The following ELMO1 variants were observed in gnomAD, a reference collection of about 807,000 sequenced individuals.
ELMO1 encodes engulfment and cell motility protein 1.
A neutral mutation model predicts 98.9 loss-of-function variants in ELMO1; 26 were observed. That is an observed-to-expected ratio of 0.26 (90% CI 0.19 to 0.36). The LOEUF is 0.36. ELMO1 is among the 10% of genes least tolerant of loss of function. ELMO1 has a pLI of 1.00. For missense variants in ELMO1, 627 were observed against 935.2 expected (o/e 0.67, Z 4.30); for synonymous variants, 346 against 346.0 (o/e 1.00, Z 0.00).
chr7:37,201,532 A>C (rs763202130), intron 13 of ELMO1, among the ~76,000 whole-genome samples: 2 of 152,240 alleles, frequency 1.3e-5, no homozygotes, highest in Non-Finnish European at 2.9e-5. Context: ...AATCCCATTT[A>C]ATAGGGGGGC....
At chr7:37,447,751 C>CACACACACACA (rs1554316247) in intron 1 of ELMO1, among the ~76,000 whole-genome samples, 10 of 150,820 alleles carry the variant, frequency 6.6e-5, no homozygotes, top group East Asian at 2.0e-4. Context: ...CACACACACG[C>CACACACACACA]CGCCTCGCGC....
chr7:37,055,504 C>G (rs1796345716), intron 15 of ELMO1, among the ~76,000 whole-genome samples: 1 of 152,204 alleles, frequency 6.6e-6, no homozygotes, highest in Non-Finnish European at 1.5e-5. Context: ...ACCCCTTCCA[C>G]ATTCACCTGC....
chr7:37,291,197 AC>A (rs1380807875), intron 4 of ELMO1, among the ~76,000 whole-genome samples: 3 of 152,158 alleles, frequency 2.0e-5, no homozygotes, highest in Non-Finnish European at 4.4e-5. Flanking sequence ...GCCATATAAT[AC>A]CCCCTACACA....
intron 6 of ELMO1, 89 bp from the exon 7 acceptor site, chr7:37,244,480 T>G (rs765853819): frequency 7.2e-7 from 1 of 1,390,738 alleles, no homozygotes; most frequent in Non-Finnish European, 1.0e-6. Context: ...AACTCAGGAT[T>G]AGATTTAGGA....
chr7:37,384,743 AGTTT>A lies in ELMO1; in HGVS notation c.-73-41984_-73-41981del, dbSNP rs1030957400. Among the ~76,000 whole-genome samples the A allele has an allele frequency of 3.0e-4, 46 of 151,964 alleles. 2 individuals carry two copies. Among genetic ancestry groups the A allele is most frequent in the African/African-American group, 1.0e-3 (42 of 41,450 alleles). ...TCAAAAAAAAAAAAAAGAACTTTCC[AGTTT>A]GTTTATTTGTCAAGAAAACAGTAAG... is the stretch of plus-strand genomic sequence containing the variant. On this transcript the variant is annotated intron_variant, in intron 1 of 21. Transcript: ENST00000310758.
Position 37,155,498 on chromosome 7 carries a change from A to AT in ELMO1, c.1087-22265_1087-22264insA, listed in dbSNP as rs1554427504. Among the ~76,000 whole-genome samples the AT allele has an allele frequency of 7.3e-4, 105 of 143,602 alleles. 1 individual carries two copies. Among genetic ancestry groups the AT allele is most frequent in the Non-Finnish European group, 1.1e-3 (67 of 62,596 alleles). The allele number at this position is 143,602 out of a possible 152,430, so 94.2% of individuals were successfully genotyped here. On this transcript the variant is annotated intron_variant, in intron 13 of 21. Coordinates refer to ENST00000310758, the MANE Select transcript of ELMO1 (RefSeq NM_014800.11). ...AAGCAAACGGAAAGCAAAAAAAAAA[A>AT]AAAAAAAAAAGCAGGTGTTGCAATC...
intron 14 of ELMO1, among the ~76,000 whole-genome samples, chr7:37,105,790 C>A (rs1256171176): frequency 6.6e-6 from 1 of 152,128 alleles, no homozygotes; most frequent in Non-Finnish European, 1.5e-5. Context: ...TTTTGTTTTT[C>A]CTGTGACTAA....
Position 37,165,396 on chromosome 7 carries a change from G to A in ELMO1, c.1087-32162C>T, listed in dbSNP as rs927403085. On this transcript the variant is annotated intron_variant, in intron 13 of 21. Transcript: ENST00000310758. The stretch of plus-strand genomic sequence containing the variant: ...ATGTTGAATAGCAGTGGTGAGAGAG[G>A]GCATCCCTGTCTTGTGCCAGTTTTC... Among the ~76,000 whole-genome samples, 205 of 151,916 alleles carry A rather than the reference G, an allele frequency of 1.3e-3. 1 individual carries two copies. The highest frequency in any genetic ancestry group is 2.3e-3 in the Non-Finnish European group (153 of 67,904).
Position 37,121,990 on chromosome 7 carries a change from TAAAGA to T in ELMO1, c.1191+11135_1191+11139del, listed in dbSNP as rs1439463312. Among the ~76,000 whole-genome samples, 3 of 152,134 alleles carry T rather than the reference TAAAGA, an allele frequency of 2.0e-5. No individual in the cohort carries two copies. The South Asian group carries it at 6.2e-4, about 32-fold the overall frequency. On this transcript the variant is annotated intron_variant, in intron 14 of 21. Transcript: ENST00000310758. ...AGTGGGAGCCAATATTCAACATTCTTAAAGAAAAGAATTTTCAACCCAGAATTTCA... is the reference window on the plus strand; with the variant it reads ...AGTGGGAGCCAATATTCAACATTCTTAAAGAATTTTCAACCCAGAATTTCA...
At chr7:37,193,161 A>T (rs1791742320) in intron 13 of ELMO1, among the ~76,000 whole-genome samples, 1 of 151,820 alleles carries the variant, frequency 6.6e-6, no homozygotes, top group Non-Finnish European at 1.5e-5. Flanking sequence ...CTGGGTTTGT[A>T]TTACCTTGTA....
intron 15 of ELMO1, among the ~76,000 whole-genome samples, chr7:37,065,927 G>A (rs933980900): frequency 1.3e-5 from 2 of 152,262 alleles, no homozygotes. Flanking sequence ...CATGTCAAAG[G>A]CAGGGCCAGG....
intron 1 of ELMO1, among the ~76,000 whole-genome samples, chr7:37,426,353 C>A (rs904264919): frequency 6.6e-6 from 1 of 151,904 alleles, no homozygotes; most frequent in Non-Finnish European, 1.5e-5. Flanking sequence ...CAGGGTTTCA[C>A]CACGTTGGCC....
At chr7:37,271,676 G>T in intron 5 of ELMO1, 156 bp downstream of exon 5, 1 of 718,110 alleles carries the variant, frequency 1.4e-6, no homozygotes, top group Non-Finnish European at 2.3e-6. Context: ...TCTACGGAGG[G>T]GCATTCCTGC....
intron 13 of ELMO1, among the ~76,000 whole-genome samples, chr7:37,146,454 G>A (rs1787994733): frequency 6.6e-6 from 1 of 152,148 alleles, no homozygotes; most frequent in Non-Finnish European, 1.5e-5. Context: ...CCTGTACTAG[G>A]TGTTGGATTG....
chr7:37,243,408 C>G (rs1469360334), intron 7 of ELMO1, among the ~76,000 whole-genome samples: 1 of 151,962 alleles, frequency 6.6e-6, no homozygotes, highest in Non-Finnish European at 1.5e-5. Flanking sequence ...GAGACAATGC[C>G]CAGGATAAAG....
chr7:36,868,679 A>G (rs1233285212), intron 20 of ELMO1, among the ~76,000 whole-genome samples: 1 of 151,830 alleles, frequency 6.6e-6, no homozygotes, highest in East Asian at 1.9e-4. Context: ...TGGGAGCACA[A>G]CTCTCAAGCT....
intron 15 of ELMO1, among the ~76,000 whole-genome samples, chr7:37,047,867 T>TA (rs35838846): frequency 4.0e-5 from 6 of 151,620 alleles, no homozygotes; most frequent in Admixed American, 6.6e-5. Flanking sequence ...ATTTTCCTAG[T>TA]AAAAAAAATT....
chr7:37,136,227 T>C (rs1490460827), intron 13 of ELMO1, among the ~76,000 whole-genome samples: 2 of 152,192 alleles, frequency 1.3e-5, no homozygotes, highest in Non-Finnish European at 2.9e-5. Flanking sequence ...GGGACTATGT[T>C]AAACGTCCAA....
intron 1 of ELMO1, among the ~76,000 whole-genome samples, chr7:37,371,194 C>CA (rs894632079): frequency 1.7e-4 from 25 of 149,632 alleles, no homozygotes; most frequent in East Asian, 3.9e-4. Context: ...TATAAAGTTG[C>CA]AAAAAAAAAT....
Sources: allele counts gnomAD v4.1 joint callset (sites outside exome capture counted in the v4.1 genomes callset), GRCh38; gene constraint gnomAD v4.1.1; transcripts MANE v1.5; gene names NCBI Gene and HGNC (gene_info 2026-07-23, HGNC 2026-07-21).